The following SPOCK3 variants were observed in gnomAD, a reference collection of about 807,000 sequenced individuals.
SPOCK3 encodes the protein SPARC (osteonectin), cwcv and kazal like domains proteoglycan 3.
A neutral mutation model predicts 56.6 loss-of-function variants in SPOCK3; 30 were observed. That is an observed-to-expected ratio of 0.53 (90% confidence interval 0.40 to 0.72). SPOCK3 has a LOEUF of 0.72. Among genes scored for constraint, SPOCK3 ranks in the 30% least tolerant of loss-of-function variants. SPOCK3 has a pLI of 0.00. For missense variants in SPOCK3, 527 were observed against 530.0 expected, an observed-to-expected ratio of 0.99 and a Z score of 0.06; for synonymous variants, 196 against 183.3, an observed-to-expected ratio of 1.07 and a Z score of -0.56.
chr4:167,127,936 T>C (rs1762417227), intron 2 of SPOCK3, among the ~76,000 whole-genome samples: 1 of 152,166 alleles, frequency 6.6e-6, no homozygotes. Context: ...AGGAAGACCT[T>C]TGAAACAGCA....
At chr4:166,979,763 G>A (rs1305738787) in intron 4 of SPOCK3, among the ~76,000 whole-genome samples, 1 of 152,050 alleles carries the variant, frequency 6.6e-6, no homozygotes, top group Non-Finnish European at 1.5e-5. Context: ...CTCCTTAAAT[G>A]TTCTCATCAA....
At chr4:166,747,100 T>C (rs1475554204) in intron 8 of SPOCK3, among the ~76,000 whole-genome samples, 3 of 151,870 alleles carry the variant, frequency 2.0e-5, no homozygotes, top group African/African-American at 7.3e-5. Context: ...TTCCAATCAA[T>C]AGAAAAAAAG....
intron 2 of SPOCK3, among the ~76,000 whole-genome samples, chr4:167,199,483 T>C (rs1336108594): frequency 6.6e-6 from 1 of 151,940 alleles, no homozygotes; most frequent in Non-Finnish European, 1.5e-5. Flanking sequence ...CCTCAAGAGA[T>C]TGAATTCTTA....
chr4:166,744,784 G>T (rs1347167126), intron 8 of SPOCK3, among the ~76,000 whole-genome samples: 1 of 152,112 alleles, frequency 6.6e-6, no homozygotes, highest in Non-Finnish European at 1.5e-5. Flanking sequence ...GCATAGGGAA[G>T]ACCTTAAGTG....
At chr4:167,146,886 T>C (rs1370810880) in intron 2 of SPOCK3, among the ~76,000 whole-genome samples, 2 of 151,872 alleles carry the variant, frequency 1.3e-5, no homozygotes, top group Non-Finnish European at 2.9e-5. Context: ...CACCCTAACA[T>C]CACACTTAAA....
intron 6 of SPOCK3, among the ~76,000 whole-genome samples, chr4:166,836,798 A>C (rs920192353): frequency 6.6e-6 from 1 of 152,162 alleles, no homozygotes; most frequent in Non-Finnish European, 1.5e-5. Flanking sequence ...ATTTAGTGAA[A>C]ATTCCCCGAT....
intron 4 of SPOCK3, among the ~76,000 whole-genome samples, chr4:166,942,411 G>C (rs78686651): frequency 3.4e-5 from 5 of 149,126 alleles, no homozygotes; most frequent in Non-Finnish European, 5.9e-5. Flanking sequence ...GGGTTTCATC[G>C]TGATGGCCAG....
chr4:166,962,658 A>G lies in SPOCK3; in HGVS notation c.350+37691T>C, dbSNP rs149002854. Among the ~76,000 whole-genome samples the G allele has an allele frequency of 1.5e-3, 225 of 152,234 alleles. 1 individual carries two copies. Among genetic ancestry groups the G allele is most frequent in the African/African-American group, 4.9e-3 (203 of 41,558 alleles). On this transcript the variant is annotated intron_variant, in intron 4 of 10. Coordinates refer to ENST00000357545, the MANE Select transcript of SPOCK3 (RefSeq NM_001040159.2). ...AGAATATTATCTTGAAGTGCATGACACTTCAGCATTAGAAAACTACTTATG... is the reference window on the plus strand; with the variant it reads ...AGAATATTATCTTGAAGTGCATGACGCTTCAGCATTAGAAAACTACTTATG...
At chr4:167,164,688 A>G (rs1250425638) in intron 2 of SPOCK3, among the ~76,000 whole-genome samples, 2 of 150,886 alleles carry the variant, frequency 1.3e-5, no homozygotes, top group African/African-American at 2.4e-5. Context: ...GAGAACCTTC[A>G]GTGTTTGGTT....
chr4:166,809,848 T>A (rs1743583286), intron 6 of SPOCK3, among the ~76,000 whole-genome samples: 1 of 152,030 alleles, frequency 6.6e-6, no homozygotes, highest in African/African-American at 2.4e-5. Context: ...GCCCACTCCG[T>A]GACCATGATG....
At chr4:166,784,600 G>A (rs1740539985) in intron 7 of SPOCK3, among the ~76,000 whole-genome samples, 2 of 152,042 alleles carry the variant, frequency 1.3e-5, no homozygotes, top group South Asian at 4.1e-4. Context: ...GTTTCCAAAA[G>A]ATGAAGTCTC....
intron 4 of SPOCK3, among the ~76,000 whole-genome samples, chr4:166,964,284 A>AG (rs1479589465): frequency 6.6e-6 from 1 of 151,780 alleles, no homozygotes; most frequent in African/African-American, 2.4e-5. Context: ...CTGAGGAGAG[A>AG]GAAAAAAACT....
chr4:167,125,412 TAA>T (rs34256017), intron 2 of SPOCK3, among the ~76,000 whole-genome samples: 2 of 138,774 alleles, frequency 1.4e-5, no homozygotes, highest in Non-Finnish European at 1.6e-5. Context: ...AAACGGTGCT[TAA>T]AAAAAAAAAA....
intron 2 of SPOCK3, among the ~76,000 whole-genome samples, chr4:167,097,756 A>T (rs756558075): frequency 1.3e-5 from 2 of 151,916 alleles, no homozygotes; most frequent in Non-Finnish European, 2.9e-5. Flanking sequence ...TCATGTCATC[A>T]CAACACTATT....
chr4:166,746,826 C>G (rs1735678314), intron 8 of SPOCK3, among the ~76,000 whole-genome samples: 1 of 152,086 alleles, frequency 6.6e-6, no homozygotes, highest in Non-Finnish European at 1.5e-5. Context: ...CACAGAAATA[C>G]AAACTACCAT....
chr4:166,734,147 C>T lies in SPOCK3; in HGVS notation c.*774G>A, dbSNP rs1001501472. The T allele has an allele frequency of 4.6e-5, 7 of 151,726 alleles. No homozygotes were observed. The highest frequency in any genetic ancestry group is 1.7e-4 in the African/African-American group (7 of 41,388). The allele number at this position is 151,726 out of a possible 1,614,324, so 9.4% of individuals were successfully genotyped here. On this transcript the variant is annotated 3_prime_UTR_variant, in exon 11 of 11. Transcript: ENST00000357545. ...TGTCTTCCTAATTTAAATTCTGCTCCCTAAGTTGCTGGTCAGAAAGATAAA... is the reference window on the plus strand; with the variant it reads ...TGTCTTCCTAATTTAAATTCTGCTCTCTAAGTTGCTGGTCAGAAAGATAAA...
chr4:166,792,553 A>C (rs2126656513), intron 6 of SPOCK3, among the ~76,000 whole-genome samples: 1 of 152,290 alleles, frequency 6.6e-6, no homozygotes, highest in Admixed American at 6.5e-5. Context: ...TTGTATTGAT[A>C]ACATCACAAA....
intron 2 of SPOCK3, among the ~76,000 whole-genome samples, chr4:167,078,640 A>C (rs1452122148): frequency 6.6e-6 from 1 of 151,766 alleles, no homozygotes; most frequent in African/African-American, 2.4e-5. Context: ...AATAATAATA[A>C]TAATAATAAC....
intron 2 of SPOCK3, among the ~76,000 whole-genome samples, chr4:167,205,340 ATT>A (rs1284741265): frequency 2.5e-5 from 1 of 40,390 alleles, no homozygotes; most frequent in Non-Finnish European, 4.1e-5. Context: ...TATATTATAT[ATT>A]ATATATATAA....
Sources: allele counts gnomAD v4.1 joint callset (sites outside exome capture counted in the v4.1 genomes callset), GRCh38; gene constraint gnomAD v4.1.1; transcripts MANE v1.5; gene names NCBI Gene and HGNC (gene_info 2026-07-23, HGNC 2026-07-21).